Variants in CFAP95 observed in about 807,000 individuals in gnomAD.
CFAP95 encodes cilia and flagella associated protein 95, also known as cilia- and flagella-associated protein 95.
the CFAP95 span, among the ~76,000 whole-genome samples, chr9:69,872,703 G>T: frequency 6.6e-6 from 1 of 152,084 alleles, no homozygotes. Flanking sequence ...TAGGCCTGGG[G>T]GCTGGGCACA....
At chr9:69,843,073 T>A in the CFAP95 span, among the ~76,000 whole-genome samples, 1 of 152,276 alleles carries the variant, frequency 6.6e-6, no homozygotes, top group Admixed American at 6.5e-5. Flanking sequence ...TACCCACACT[T>A]ACCATGTTGT....
chr9:69,885,185 T>C, the CFAP95 span: 5 of 152,220 alleles, frequency 3.3e-5, no homozygotes, highest in Non-Finnish European at 7.3e-5. Context: ...GTTCTGTTAC[T>C]TTCTCACCAG....
the CFAP95 span, among the ~76,000 whole-genome samples, chr9:69,851,641 G>A: frequency 9.6e-4 from 146 of 152,128 alleles, no homozygotes; most frequent in Non-Finnish European, 1.6e-3. Context: ...AAGTGGTTTT[G>A]TCATCTCAGA....
the CFAP95 span, among the ~76,000 whole-genome samples, chr9:69,841,164 T>TTATATATA: frequency 0.03 from 1,645 of 55,758 alleles, 96 homozygotes; most frequent in South Asian, 0.067. Flanking sequence ...CCAAGCTGGA[T>TTATATATA]TATATATATA....
At chr9:69,876,377 A>G in the CFAP95 span, among the ~76,000 whole-genome samples, 1 of 152,004 alleles carries the variant, frequency 6.6e-6, no homozygotes, top group Non-Finnish European at 1.5e-5. Flanking sequence ...TACTAAAAAT[A>G]CAAAAATTAC....
chr9:69,867,877 T>G, the CFAP95 span, among the ~76,000 whole-genome samples: 1 of 152,174 alleles, frequency 6.6e-6, no homozygotes, highest in African/African-American at 2.4e-5. Flanking sequence ...GTCAAACCTT[T>G]GGACAACTGT....
the CFAP95 span, among the ~76,000 whole-genome samples, chr9:69,893,779 A>G: frequency 6.6e-6 from 1 of 152,162 alleles, no homozygotes; most frequent in South Asian, 2.1e-4. Flanking sequence ...ATGTATTTTT[A>G]TTACTTTCAT....
At chr9:69,850,001 C>T in the CFAP95 span, among the ~76,000 whole-genome samples, 1 of 152,132 alleles carries the variant, frequency 6.6e-6, no homozygotes, top group East Asian at 1.9e-4. Flanking sequence ...ACTTGTAAAG[C>T]CTTTCACCCA....
the CFAP95 span, among the ~76,000 whole-genome samples, chr9:69,842,633 T>C: frequency 6.6e-6 from 1 of 152,210 alleles, no homozygotes; most frequent in Admixed American, 6.5e-5. Context: ...TGTCCTCATA[T>C]TATACATGTG....
the CFAP95 span, among the ~76,000 whole-genome samples, chr9:69,829,881 G>A: frequency 3.9e-5 from 6 of 152,112 alleles, no homozygotes; most frequent in Admixed American, 6.5e-5. Flanking sequence ...ATCCCCATTC[G>A]CACCATTTTC....
chr9:69,844,663 C>A, the CFAP95 span: 1 of 1,446,836 alleles, frequency 6.9e-7, no homozygotes, highest in Admixed American at 1.8e-5. Flanking sequence ...AGTCTGAAAT[C>A]TTTGTCATAG....
the CFAP95 span, among the ~76,000 whole-genome samples, chr9:69,859,080 C>T: frequency 0.23 from 35,359 of 151,988 alleles, 4,768 homozygotes; most frequent in Non-Finnish European, 0.29. Flanking sequence ...CTCTGCTGGA[C>T]GTGGTGAACC....
chr9:69,874,804 G>T, the CFAP95 span, among the ~76,000 whole-genome samples: 1 of 152,168 alleles, frequency 6.6e-6, no homozygotes, highest in Non-Finnish European at 1.5e-5. Context: ...GAGTAGGGAT[G>T]GGAGCTGTAA....
chr9:69,860,055 C>G, the CFAP95 span, among the ~76,000 whole-genome samples: 1 of 152,104 alleles, frequency 6.6e-6, no homozygotes, highest in African/African-American at 2.4e-5. Context: ...AATGTGAAGG[C>G]CTAGGACATT....
At chr9:69,863,946 C>T in the CFAP95 span, among the ~76,000 whole-genome samples, 1 of 151,996 alleles carries the variant, frequency 6.6e-6, no homozygotes, top group Non-Finnish European at 1.5e-5. Context: ...TAATGGTCCA[C>T]AGGAGAAGTC....
chr9:69,823,414 C>T, the CFAP95 span, among the ~76,000 whole-genome samples: 1 of 152,158 alleles, frequency 6.6e-6, no homozygotes, highest in Non-Finnish European at 1.5e-5. Flanking sequence ...ATTGATTTAG[C>T]ATAGCATAAT....
chr9:69,859,506 C>T, the CFAP95 span, among the ~76,000 whole-genome samples: 2 of 151,956 alleles, frequency 1.3e-5, no homozygotes, highest in African/African-American at 2.4e-5. Context: ...GTATGGTATC[C>T]ATCTTCCACG....
chr9:69,899,328 G>A, the CFAP95 span, among the ~76,000 whole-genome samples: 26 of 152,286 alleles, frequency 1.7e-4, no homozygotes, highest in African/African-American at 6.0e-4. Context: ...TGCAACTCAC[G>A]TATGCAGAGG....
chr9:69,883,908 A>G, the CFAP95 span, among the ~76,000 whole-genome samples: 3 of 150,648 alleles, frequency 2.0e-5, no homozygotes, highest in Admixed American at 6.6e-5. Context: ...TTATTATTTC[A>G]TTTCTTCTAC....
Sources: gnomAD v4.1 joint callset for allele counts (sites outside exome capture counted in the v4.1 genomes callset) on GRCh38, gnomAD v4.1.1 for gene constraint, MANE v1.5 for transcripts, NCBI Gene and HGNC (gene_info 2026-07-23, HGNC 2026-07-21) for gene names.